ZFYVE16: variants seen among roughly 807,000 people sequenced by gnomAD.
ZFYVE16 encodes the protein zinc finger FYVE domain-containing protein 16.
A neutral mutation model predicts 138.1 loss-of-function variants in ZFYVE16; 89 were observed. The observed-to-expected ratio is 0.64, with a 90% CI of 0.54 to 0.77. The LOEUF (loss-of-function observed/expected upper bound fraction) is 0.77. ZFYVE16 is among the 30% of genes least tolerant of loss of function. The probability of loss-of-function intolerance (pLI) is 0.00; values close to 1 mark genes in which losing one functional copy is unlikely to be tolerated. For missense variants in ZFYVE16, 1,793 were observed against 1,786.7 expected (o/e 1.00, Z -0.06); for synonymous variants, 596 against 618.3 (o/e 0.96, Z 0.53).
At chr5:80,417,161 T>C (rs1253006971) in intron 1 of ZFYVE16, among the ~76,000 whole-genome samples, 4 of 152,202 alleles carry the variant, frequency 2.6e-5, no homozygotes, top group Non-Finnish European at 5.9e-5. Context: ...GATTTCAGAA[T>C]TGTTAACCTG....
At position 80,438,139 on chromosome 5, in the gene ZFYVE16, C is replaced by A; in HGVS notation, c.1454C>A (p.Ser485Tyr). Residue 485 changes from serine (S) to tyrosine (Y), a missense_variant, in exon 4 of 19, where the codon TCT becomes TAT. Physicochemically the swap from Ser to Tyr is moderately radical, Grantham distance 144 (BLOSUM62 -2). Coordinates refer to ENST00000505560, the MANE Select transcript of ZFYVE16 (RefSeq NM_001284236.3). The part of the protein sequence containing the change: ...STVVESQEGL[S>Y]GTHVPESSDC... The stretch of plus-strand genomic sequence containing the variant: ...GTTGTAGAATCTCAAGAGGGGCTTT[C>A]TGGCACTCATGTCCCAGAGTCTTCT... 1 of 1,613,984 alleles carries A rather than the reference C, an allele frequency of 6.2e-7. No individual in the cohort carries two copies. The highest frequency in any genetic ancestry group is 1.3e-5 in the African/African-American group (1 of 75,034).
chr5:80,452,948 C>T (rs2112462026), intron 11 of ZFYVE16, among the ~76,000 whole-genome samples: 1 of 152,120 alleles, frequency 6.6e-6, no homozygotes, highest in Admixed American at 6.6e-5. Context: ...TTTGAATTCC[C>T]ACTGTATCTT....
At chr5:80,435,672 A>G in intron 3 of ZFYVE16, 1 of 390,164 alleles carries the variant, frequency 2.6e-6, no homozygotes, top group Non-Finnish European at 5.1e-6. Flanking sequence ...GCCCTCAGGC[A>G]ATCCTCTCAC....
chr5:80,434,083 ATAT>A, intron 2 of ZFYVE16, 23 bp from the exon 3 acceptor site: 2 of 1,437,660 alleles, frequency 1.4e-6, no homozygotes, highest in Non-Finnish European at 1.9e-6. Flanking sequence ...ATTAAATGAA[ATAT>A]TATTATACTT....
chr5:80,444,052 T>G (rs2083692089), intron 6 of ZFYVE16: 1 of 319,126 alleles, frequency 3.1e-6, no homozygotes, highest in Non-Finnish European at 6.2e-6. Context: ...TGTCATCAAT[T>G]AGCATCTTGG....
rs773128554 is a variant in ZFYVE16, at chr5:80,474,818, T to C, written c.4449T>C (p.Ile1483=). ...GMNKIGLRVS[I]DTDMVEFQAG... is the part of the protein sequence containing the mutation. Reference sequence around the variant, plus strand: ...ATAAAATTGGACTCAGAGTTTCCATTGACACTGATATGGTGAGGCATGTTT... The same window carrying C: ...ATAAAATTGGACTCAGAGTTTCCATCGACACTGATATGGTGAGGCATGTTT... The change falls in exon 18 of 19, where the codon ATT becomes ATC. Residue 1483 remains isoleucine, a synonymous_variant. Coordinates refer to ENST00000505560, the MANE Select transcript of ZFYVE16 (RefSeq NM_001284236.3). The C allele has an allele frequency of 2.0e-5, 32 of 1,612,260 alleles. No individual in the cohort carries two copies. The highest frequency in any genetic ancestry group is 2.6e-5 in the Non-Finnish European group (31 of 1,179,286).
At chr5:80,465,400 GTT>G (rs3072097) in intron 15 of ZFYVE16, among the ~76,000 whole-genome samples, 346 of 26,750 alleles carry the variant, frequency 0.013, 2 homozygotes, top group African/African-American at 0.033. Context: ...CCTTTTCTTT[GTT>G]TTTTTTTTTT....
At chr5:80,458,064 G>C (rs903211368) in intron 14 of ZFYVE16, among the ~76,000 whole-genome samples, 7 of 149,412 alleles carry the variant, frequency 4.7e-5, no homozygotes, top group Non-Finnish European at 1.0e-4. Flanking sequence ...GGTGGTAAAA[G>C]GGAAAAGTGC....
intron 7 of ZFYVE16, 131 bp downstream of exon 7, chr5:80,445,536 T>C (rs563052074): frequency 1.3e-6 from 1 of 760,000 alleles, no homozygotes; most frequent in East Asian, 2.8e-5. Context: ...GATGTATTGA[T>C]ATAGTGAATA....
At chr5:80,448,475 G>C in intron 8 of ZFYVE16, 71 bp downstream of exon 8, 1 of 1,324,978 alleles carries the variant, frequency 7.5e-7, no homozygotes, top group Non-Finnish European at 9.7e-7. Context: ...TGTGACATAT[G>C]AAATGTATTT....
At position 80,480,436 on chromosome 5, in the gene ZFYVE16, A is replaced by T. The variant is rs1333379574; in HGVS notation, c.*3059A>T. Among the ~76,000 whole-genome samples the T allele has an allele frequency of 6.6e-6, 1 of 151,852 alleles. No individual in the cohort carries two copies. The highest frequency in any genetic ancestry group is 2.4e-5 in the African/African-American group (1 of 41,370). On this transcript the variant is annotated 3_prime_UTR_variant, in exon 19 of 19. Coordinates refer to ENST00000505560, the MANE Select transcript of ZFYVE16 (RefSeq NM_001284236.3). ...GCACCATGGGAGAAACAGCTGGAAA[A>T]AAAAACAGAAGACCTGTAGAGAATA...
intron 7 of ZFYVE16, among the ~76,000 whole-genome samples, chr5:80,447,765 A>G (rs556495509): frequency 1.3e-5 from 2 of 152,244 alleles, no homozygotes; most frequent in African/African-American, 2.4e-5. Context: ...ATTTTTTCCA[A>G]TCTTAATATT....
intron 6 of ZFYVE16, chr5:80,443,714 G>C (rs573798003): frequency 2.2e-5 from 10 of 456,450 alleles, no homozygotes; most frequent in Admixed American, 1.6e-4. Context: ...TCTGTTGGTG[G>C]TGCTGCTGCA....
At chr5:80,457,994 C>T (rs1385376184) in intron 14 of ZFYVE16, among the ~76,000 whole-genome samples, 1 of 149,538 alleles carries the variant, frequency 6.7e-6, no homozygotes, top group Non-Finnish European at 1.5e-5. Flanking sequence ...CCACTGCACT[C>T]CCGCCTGAGC....
At position 80,452,224 on chromosome 5, in the gene ZFYVE16, C is replaced by T. The variant is rs373613934; in HGVS notation, c.3607+515C>T. 1.4e-4 allele frequency: 21 copies of T among 152,688 alleles called. No homozygotes were observed. In the South Asian group the frequency reaches 3.9e-3, roughly 29 times the overall value. 9.5% of individuals were successfully genotyped at this position (152,688 alleles called of 1,614,324 possible). ...CCAAGGCGGGCAGATCACATGAGGT[C>T]AGGAGTTCGAGACCAGCCTGGCCAA... On this transcript the variant is annotated intron_variant, in intron 11 of 18. Transcript: ENST00000505560.
In ZFYVE16 at chr5:80,408,069, C is replaced by T. The variant is rs1744851873; in HGVS notation, c.-178C>T. ...GCCCTGAGCCGGGATCTGGCACTCCCAGGACTCCCGGCCGGGGTAGCTCTT... is the reference window on the plus strand; with the variant it reads ...GCCCTGAGCCGGGATCTGGCACTCCTAGGACTCCCGGCCGGGGTAGCTCTT... On this transcript the variant is annotated 5_prime_UTR_variant, in exon 1 of 19. Coordinates refer to ENST00000505560, the MANE Select transcript of ZFYVE16 (RefSeq NM_001284236.3). The T allele has an allele frequency of 6.6e-6, 1 of 152,310 alleles. No homozygotes were observed. Among genetic ancestry groups the T allele is most frequent in the Non-Finnish European group, 1.5e-5 (1 of 68,106 alleles). 9.4% of individuals were successfully genotyped at this position (152,310 alleles called of 1,614,324 possible).
intron 1 of ZFYVE16, 96 bp downstream of exon 1, chr5:80,408,249 C>T (rs1368048343): frequency 3.9e-5 from 6 of 152,448 alleles, no homozygotes; most frequent in Non-Finnish European, 4.4e-5. Flanking sequence ...GACCTGGGCG[C>T]TGGGTCTGGC....
chr5:80,451,709 G>A lies in ZFYVE16; in HGVS notation c.3607G>A (p.Ala1203Thr), dbSNP rs2112456846. 6.2e-7 allele frequency: 1 copy of A among 1,610,438 alleles called. No homozygotes were observed. The highest frequency in any genetic ancestry group is 1.7e-5 in the Admixed American group (1 of 59,424). The change falls in exon 11 of 19, where the codon GCA becomes ACA. Residue 1203 changes from alanine to threonine, a missense_variant and splice_region_variant. Around this residue, in one of 2 missense-constraint regions of ZFYVE16, gnomAD observed 498 missense variants for 582.4 expected, o/e 0.86. Transcript: ENST00000505560. Reference sequence around the variant, plus strand: ...GTTGAGATTGGGTGCAGAATATAAAGGTAAGTTTTAGAGTAATAAGTTAAA... The same window carrying A: ...GTTGAGATTGGGTGCAGAATATAAAAGTAAGTTTTAGAGTAATAAGTTAAA... ...LMLRLGAEYKAYPAPLTSIRG... is the reference protein window; with the variant it reads ...LMLRLGAEYKTYPAPLTSIRG...
intron 17 of ZFYVE16, 69 bp downstream of exon 17, chr5:80,473,928 A>G: frequency 1.8e-6 from 2 of 1,135,740 alleles, no homozygotes; most frequent in Admixed American, 4.0e-5. Flanking sequence ...GAGATTGTGC[A>G]TACTCAACCT....
Sources: allele counts gnomAD v4.1 joint callset (sites outside exome capture counted in the v4.1 genomes callset), GRCh38; gene constraint gnomAD v4.1.1; regional missense constraint gnomAD v4.1.1; transcripts MANE v1.5; gene names NCBI Gene and HGNC (gene_info 2026-07-23, HGNC 2026-07-21).